The following PHACTR1 variants were observed in gnomAD, a reference collection of about 807,000 sequenced individuals.
PHACTR1 encodes RPEL repeat containing 1.
PHACTR1 carries 16 observed loss-of-function variants against 69.2 expected under a neutral mutation model. The ratio of observed to expected loss-of-function variants is 0.23; its 90% CI spans 0.16 to 0.35. PHACTR1 has a LOEUF of 0.35. Among genes scored for constraint, PHACTR1 ranks in the 10% least tolerant of loss-of-function variants. The pLI, the probability that PHACTR1 is intolerant of heterozygous loss-of-function variation, is 1.00. For synonymous variants in PHACTR1, 312 were observed against 284.5 expected, an observed-to-expected ratio of 1.10 and a Z score of -0.97; for missense variants, 510 against 734.7, an observed-to-expected ratio of 0.69 and a Z score of 3.54.
At position 13,228,036 on chromosome 6, in the gene PHACTR1, G is replaced by A. The variant is rs765015756; in HGVS notation, c.1207G>A (p.Glu403Lys). The change falls in exon 9 of 15, where the codon GAA becomes AAA. Residue 403 changes from glutamate (E) to lysine (K), a missense_variant. Glu to Lys is a moderately conservative substitution (Grantham distance 56, BLOSUM62 1). This residue lies in a region of PHACTR1 where 419 missense variants were observed against 530.9 expected (regional missense o/e 0.79). Coordinates refer to ENST00000332995, the MANE Select transcript of PHACTR1 (RefSeq NM_030948.6). ...TREEEEEEED[E>K]DDDSSLYTSS... ...AGAAGAGGAGGAAGAGGAGGAGGAC[G>A]AAGACGACGACAGCTCATTATACAC... 8.7e-6 allele frequency: 14 copies of A among 1,613,282 alleles called. No homozygotes were observed. The highest frequency in any genetic ancestry group is 2.2e-5 in the East Asian group (1 of 44,892).
chr6:12,870,335 C>CT (rs137947139), intron 4 of PHACTR1, among the ~76,000 whole-genome samples: 3,660 of 152,154 alleles, frequency 0.024, 148 homozygotes, highest in African/African-American at 0.084. Flanking sequence ...TCTTTTTCTT[C>CT]TTTTTTTAGA....
At chr6:13,009,863 A>G (rs1271766945) in intron 4 of PHACTR1, among the ~76,000 whole-genome samples, 1 of 382 alleles carries the variant, frequency 2.6e-3, no homozygotes, top group Non-Finnish European at 7.4e-3. Flanking sequence ...CTACACTGCC[A>G]CCACCACCAC....
intron 5 of PHACTR1, among the ~76,000 whole-genome samples, chr6:13,147,909 A>G (rs927111182): frequency 1.3e-5 from 2 of 152,196 alleles, no homozygotes; most frequent in Admixed American, 1.3e-4. Flanking sequence ...AAAAAAAGTA[A>G]ATATTGCCAG....
At chr6:12,970,556 C>T (rs555176189) in intron 4 of PHACTR1, among the ~76,000 whole-genome samples, 49 of 152,272 alleles carry the variant, frequency 3.2e-4, no homozygotes, top group African/African-American at 1.0e-3. Context: ...GTCAGGAGAT[C>T]GAGATCATCC....
intron 5 of PHACTR1, among the ~76,000 whole-genome samples, chr6:13,150,757 T>C (rs955632722): frequency 6.6e-6 from 1 of 152,222 alleles, no homozygotes; most frequent in Non-Finnish European, 1.5e-5. Context: ...TTTTTCTCAT[T>C]GCTCCCCTTT....
At chr6:12,943,201 A>T (rs1292270417) in intron 4 of PHACTR1, among the ~76,000 whole-genome samples, 1 of 152,252 alleles carries the variant, frequency 6.6e-6, no homozygotes, top group African/African-American at 2.4e-5. Context: ...AGAAAGAAAG[A>T]AAGTACTGAC....
chr6:12,999,720 G>A (rs1003435060), intron 4 of PHACTR1, among the ~76,000 whole-genome samples: 5 of 152,154 alleles, frequency 3.3e-5, no homozygotes, highest in East Asian at 3.8e-4. Context: ...ATTAATGCTC[G>A]CAAATGCATA....
At chr6:13,126,423 A>G (rs1432541691) in intron 5 of PHACTR1, among the ~76,000 whole-genome samples, 1 of 152,226 alleles carries the variant, frequency 6.6e-6, no homozygotes, top group Admixed American at 6.5e-5. Context: ...AAAGTGTACT[A>G]AATGCTAGCT....
intron 4 of PHACTR1, among the ~76,000 whole-genome samples, chr6:12,840,925 TG>T (rs1778629258): frequency 6.6e-6 from 1 of 152,208 alleles, no homozygotes; most frequent in Non-Finnish European, 1.5e-5. Flanking sequence ...GCAATTGAGT[TG>T]ATTTTGTGGA....
At chr6:13,193,357 G>GTGTATATATATATATATATATATA (rs536184609) in intron 7 of PHACTR1, among the ~76,000 whole-genome samples, 12 of 68,162 alleles carry the variant, frequency 1.8e-4, no homozygotes, top group Admixed American at 1.1e-3. Context: ...AGCTCTCTGT[G>GTGTATATATATATATATATATATA]TATATATATA....
intron 3 of PHACTR1, among the ~76,000 whole-genome samples, chr6:12,719,294 G>C (rs1761803109): frequency 6.6e-6 from 1 of 152,176 alleles, no homozygotes; most frequent in Admixed American, 6.5e-5. Context: ...CTCTATTTTA[G>C]CTGAATTCAG....
At chr6:13,115,182 G>C (rs1817629623) in intron 5 of PHACTR1, among the ~76,000 whole-genome samples, 1 of 152,178 alleles carries the variant, frequency 6.6e-6, no homozygotes, top group Non-Finnish European at 1.5e-5. Context: ...CGTCCTTATA[G>C]TTAAATGCTA....
chr6:13,198,358 G>C (rs189818435), intron 7 of PHACTR1, among the ~76,000 whole-genome samples: 53 of 152,310 alleles, frequency 3.5e-4, no homozygotes, highest in Non-Finnish European at 6.2e-4. Flanking sequence ...GCCAGCCTCG[G>C]GATGATGGGC....
At chr6:12,745,542 ACATGATGGAAACAG>A (rs1765673741) in intron 3 of PHACTR1, among the ~76,000 whole-genome samples, 1 of 152,192 alleles carries the variant, frequency 6.6e-6, no homozygotes, top group South Asian at 2.1e-4. Context: ...GGGTGTTGTC[ACATGATGGAAACAG>A]CATGAGGGGG....
chr6:13,115,971 G>T (rs1817758555), intron 5 of PHACTR1, among the ~76,000 whole-genome samples: 1 of 152,172 alleles, frequency 6.6e-6, no homozygotes, highest in South Asian at 2.1e-4. Flanking sequence ...AGATGTCTTG[G>T]TGTGACAGGG....
chr6:12,778,272 T>C (rs887694557), intron 4 of PHACTR1, among the ~76,000 whole-genome samples: 1 of 152,190 alleles, frequency 6.6e-6, no homozygotes, highest in African/African-American at 2.4e-5. Context: ...AAATATAGGC[T>C]ACAAAATCAC....
intron 6 of PHACTR1, among the ~76,000 whole-genome samples, chr6:13,168,578 T>G (rs16873653): frequency 0.061 from 9,228 of 152,234 alleles, 757 homozygotes; most frequent in African/African-American, 0.18. Flanking sequence ...ACGGGTTTAG[T>G]CTGCTTGGCA....
At chr6:13,102,603 A>G (rs557836862) in intron 5 of PHACTR1, among the ~76,000 whole-genome samples, 103 of 152,350 alleles carry the variant, frequency 6.8e-4, no homozygotes, top group African/African-American at 2.4e-3. Context: ...TGGTAACATT[A>G]CAGAGCAACC....
chr6:13,098,414 A>G (rs1278404485), intron 5 of PHACTR1, among the ~76,000 whole-genome samples: 1 of 152,072 alleles, frequency 6.6e-6, no homozygotes, highest in Non-Finnish European at 1.5e-5. Context: ...GTTGCTATCT[A>G]GGCCTTCGCT....
Sources: gnomAD v4.1 joint callset for allele counts (sites outside exome capture counted in the v4.1 genomes callset) on GRCh38, gnomAD v4.1.1 for gene constraint, gnomAD v4.1.1 regional missense constraint, MANE v1.5 for transcripts, NCBI Gene and HGNC (gene_info 2026-07-23, HGNC 2026-07-21) for gene names.